Variants in NCOA1 observed in about 807,000 individuals in gnomAD.
NCOA1 encodes the protein nuclear receptor coactivator 1, also known as Hin-2 protein.
Under a neutral mutation model 150.9 loss-of-function variants are expected in NCOA1, and 35 were observed. The observed-to-expected ratio is 0.23, with a 90% CI of 0.18 to 0.31. NCOA1 has a LOEUF of 0.31. Ranked by LOEUF, NCOA1 falls within the 10% of genes least tolerant of loss-of-function variation. The pLI is 1.00. For missense variants in NCOA1, 1,491 were observed against 1,749.3 expected, an observed-to-expected ratio of 0.85 and a Z score of 2.63; for synonymous variants, 590 against 630.0, an observed-to-expected ratio of 0.94 and a Z score of 0.95.
chr2:24,510,547 T>A (rs755964912), intron 1 of NCOA1, among the ~76,000 whole-genome samples: 9 of 151,970 alleles, frequency 5.9e-5, no homozygotes, highest in Non-Finnish European at 1.2e-4. Context: ...CTCCCTGTGT[T>A]GCCCAGGCTG....
chr2:24,583,082 T>TA (rs1446664538), intron 2 of NCOA1, among the ~76,000 whole-genome samples: 3 of 152,132 alleles, frequency 2.0e-5, no homozygotes, highest in South Asian at 4.1e-4. Context: ...TATATCAAGC[T>TA]AAAAAACCTC....
chr2:24,670,449 T>C (rs1215053801), intron 6 of NCOA1, among the ~76,000 whole-genome samples: 3 of 152,162 alleles, frequency 2.0e-5, no homozygotes, highest in East Asian at 1.9e-4. Context: ...TGAATAGATA[T>C]ATAAAAGGAC....
chr2:24,757,540 C>T (rs1319215085), intron 20 of NCOA1, among the ~76,000 whole-genome samples: 1 of 152,072 alleles, frequency 6.6e-6, no homozygotes, highest in African/African-American at 2.4e-5. Context: ...TATAAGGATG[C>T]TGTCTTTGAA....
chr2:24,695,687 G>C lies in NCOA1; in HGVS notation c.809-1971G>C, dbSNP rs180967712. 1.2e-3 allele frequency among the ~76,000 whole-genome samples: 178 copies of C among 152,316 alleles called. 1 individual carries two copies. Among genetic ancestry groups the C allele is most frequent in the Non-Finnish European group, 2.0e-3 (139 of 68,006 alleles). ...AGAAAAAAGTATTTTACTAGGAAAT[G>C]TTGAACAGTGGGGCTTTTTATTGTT... On this transcript the variant is annotated intron_variant, in intron 10 of 22. Transcript: ENST00000348332.
chr2:24,637,091 T>A (rs937086142), intron 3 of NCOA1, among the ~76,000 whole-genome samples: 6 of 151,722 alleles, frequency 4.0e-5, no homozygotes, highest in Non-Finnish European at 7.4e-5. Flanking sequence ...TTTTTATTAT[T>A]ATTATTATAC....
chr2:24,569,960 A>G (rs1666675878), intron 2 of NCOA1, among the ~76,000 whole-genome samples: 1 of 151,610 alleles, frequency 6.6e-6, no homozygotes, highest in African/African-American at 2.4e-5. Context: ...AATACTTCCC[A>G]GAGTCAAAAT....
In NCOA1 at chr2:24,741,956, T is replaced by G. The variant is rs1236209934; in HGVS notation, c.3476T>G (p.Leu1159Arg). The G allele has an allele frequency of 6.2e-7, 1 of 1,614,112 alleles. No individual in the cohort carries two copies. The highest frequency in any genetic ancestry group is 1.3e-5 in the African/African-American group (1 of 74,932). Reference protein sequence around the residue: ...GLPVQMGNPRLPQGAPQQFPY... With the variant: ...GLPVQMGNPRRPQGAPQQFPY... Reference sequence around the variant, plus strand: ...CCAGTTCAAATGGGGAACCCCCGTCTTCCTCAGGGTGCTCCACAGCAATTC... The same window carrying G: ...CCAGTTCAAATGGGGAACCCCCGTCGTCCTCAGGGTGCTCCACAGCAATTC... The change falls in exon 19 of 23, where the codon CTT (leucine) becomes CGT (arginine). Residue 1159 changes from leucine to arginine, a missense_variant. By Grantham distance (102) the Leu-to-Arg change is moderately radical. Around this residue, in one of 8 missense-constraint regions of NCOA1, gnomAD observed 485 missense variants for 522.8 expected, o/e 0.93. Transcript: ENST00000348332.
rs180936868 is a variant in NCOA1, at chr2:24,637,585, G to A, written c.-174-6381G>A. ...AAATCATCATTCTCAGTAAACTATC[G>A]CAAGAACAAAAAACCAAACATTTAT... On this transcript the variant is annotated intron_variant, in intron 3 of 22. Transcript: ENST00000348332. 6.6e-5 allele frequency among the ~76,000 whole-genome samples: 10 copies of A among 152,062 alleles called. No individual in the cohort carries two copies. The South Asian group carries it at 8.3e-4, about 13-fold the overall frequency.
rs6735735 is a variant in NCOA1 at position 24,692,985 on chromosome 2, C to T, written c.713-267C>T. Among the ~76,000 whole-genome samples the T allele has an allele frequency of 4.2e-3, 633 of 152,256 alleles. 5 individuals carry two copies. Among genetic ancestry groups the T allele is most frequent in the African/African-American group, 0.015 (609 of 41,542 alleles). On this transcript the variant is annotated intron_variant, in intron 9 of 22. Coordinates refer to ENST00000348332, the MANE Select transcript of NCOA1 (RefSeq NM_003743.5). ...ACGCCATTCTCCTGCCTCAGCCTCC[C>T]GAGTAGCGGGGACTGCAGGCGCCCG...
intron 1 of NCOA1, among the ~76,000 whole-genome samples, chr2:24,498,262 T>A (rs1425378338): frequency 3.3e-5 from 5 of 152,224 alleles, no homozygotes; most frequent in Non-Finnish European, 7.3e-5. Flanking sequence ...GGTCAAGACG[T>A]AGTTATATGA....
chr2:24,596,589 T>TC (rs1324889638), intron 3 of NCOA1, among the ~76,000 whole-genome samples: 1 of 152,188 alleles, frequency 6.6e-6, no homozygotes, highest in Non-Finnish European at 1.5e-5. Context: ...TTAAATGTTT[T>TC]AATTTAGAGG....
chr2:24,768,398 T>C lies in NCOA1; in HGVS notation c.*7T>C, dbSNP rs774798695. ...GCAGCTACTGACTGAATAACCACTT[T>C]TAAAGGAATGTGAAATTTAAATAAT... On this transcript the variant is annotated 3_prime_UTR_variant, in exon 23 of 23. Transcript: ENST00000348332. 1.8e-5 allele frequency: 28 copies of C among 1,577,358 alleles called. No individual in the cohort carries two copies. Among genetic ancestry groups the C allele is most frequent in the Non-Finnish European group, 2.3e-5 (27 of 1,157,658 alleles).
intron 20 of NCOA1, among the ~76,000 whole-genome samples, chr2:24,756,071 TAAAAAAAAAA>T (rs369987098): frequency 0.2 from 21,243 of 108,330 alleles, 1,964 homozygotes; most frequent in Non-Finnish European, 0.24. Flanking sequence ...CCATCTCTAC[TAAAAAAAAAA>T]AAAAAAAAAA....
intron 1 of NCOA1, among the ~76,000 whole-genome samples, chr2:24,504,202 A>G (rs1374924351): frequency 6.6e-6 from 1 of 152,196 alleles, no homozygotes; most frequent in Non-Finnish European, 1.5e-5. Context: ...TTCTAGAGGA[A>G]GTGGATTTGA....
chr2:24,723,208 A>G (rs1572642979), intron 14 of NCOA1, among the ~76,000 whole-genome samples: 1 of 152,202 alleles, frequency 6.6e-6, no homozygotes, highest in African/African-American at 2.4e-5. Context: ...GTGTCATACT[A>G]TACACATTAG....
chr2:24,498,522 A>G (rs1558743130), intron 1 of NCOA1, among the ~76,000 whole-genome samples: 1 of 152,074 alleles, frequency 6.6e-6, no homozygotes, highest in Non-Finnish European at 1.5e-5. Context: ...GGCAAGTTTT[A>G]TGGAGGACTT....
chr2:24,732,961 C>T lies in NCOA1; in HGVS notation c.3201+3146C>T, dbSNP rs191702507. On this transcript the variant is annotated intron_variant, in intron 17 of 22. Coordinates refer to ENST00000348332, the MANE Select transcript of NCOA1 (RefSeq NM_003743.5). The stretch of plus-strand genomic sequence containing the variant: ...AAAAAGTAAAAAGGGGGAAAAAATA[C>T]TTCACATGTCTGACTAGTCAGAACT... Among the ~76,000 whole-genome samples, 15 of 151,862 alleles carry T rather than the reference C, an allele frequency of 9.9e-5. No individual in the cohort carries two copies. In the East Asian group the frequency reaches 2.9e-3, roughly 29 times the overall value.
At chr2:24,648,487 G>A (rs556851111) in intron 4 of NCOA1, among the ~76,000 whole-genome samples, 11 of 152,282 alleles carry the variant, frequency 7.2e-5, no homozygotes, top group African/African-American at 1.9e-4. Context: ...TGGCCAGGCT[G>A]ATCTCGAACT....
chr2:24,543,520 A>C (rs115405244), intron 1 of NCOA1, among the ~76,000 whole-genome samples: 3,801 of 152,176 alleles, frequency 0.025, 159 homozygotes, highest in African/African-American at 0.085. Flanking sequence ...TTGAGTTTCT[A>C]GTCTAGCAAG....
Sources: allele counts gnomAD v4.1 joint callset (sites outside exome capture counted in the v4.1 genomes callset), GRCh38; gene constraint gnomAD v4.1.1; regional missense constraint gnomAD v4.1.1; transcripts MANE v1.5; gene names NCBI Gene and HGNC (gene_info 2026-07-23, HGNC 2026-07-21).